The following ZNF550 variants were observed in gnomAD, a reference collection of about 807,000 sequenced individuals.
The protein encoded by ZNF550 is zinc finger protein 550.
ZNF550 carries 42 observed loss-of-function variants against 40.2 expected under a neutral mutation model. The observed-to-expected ratio is 1.05, with a 90% CI of 0.82 to 1.35. The LOEUF (loss-of-function observed/expected upper bound fraction) is 1.35, where lower values mean the gene tolerates loss of function less well. Among genes scored for constraint, ZNF550 ranks in the 40% most tolerant of loss-of-function variants. The probability of loss-of-function intolerance (pLI) is 0.00; values close to 1 mark genes in which losing one functional copy is unlikely to be tolerated. For synonymous variants in ZNF550, 223 were observed against 198.6 expected, an observed-to-expected ratio of 1.12 and a Z score of -1.03; for missense variants, 549 against 525.2, an observed-to-expected ratio of 1.05 and a Z score of -0.44.
At position 57,555,723 on chromosome 19, in the gene ZNF550, AG is replaced by A. The variant is rs368346485; in HGVS notation, c.154+507del. ...TCAGGGTATCAAACCATGCCATTTG[AG>A]GACATTCCTGTGTACCCTCTAAAAA... is the stretch of plus-strand genomic sequence containing the variant. On this transcript the variant is annotated intron_variant, in intron 2 of 4. Transcript: ENST00000457177. 395 of 173,994 alleles carry A rather than the reference AG, an allele frequency of 2.3e-3. 12 individuals carry two copies. The South Asian group carries it at 0.046, about 20-fold the overall frequency. 10.8% of individuals were successfully genotyped at this position (173,994 alleles called of 1,614,324 possible).
At chr19:57,549,620 TG>T (rs1321469705) in intron 3 of ZNF550, among the ~76,000 whole-genome samples, 1 of 151,780 alleles carries the variant, frequency 6.6e-6, no homozygotes, top group Admixed American at 6.6e-5. Context: ...AGAGAGGAAG[TG>T]GGCAATGGGT....
At position 57,547,049 on chromosome 19, in the gene ZNF550, AG is replaced by A. The variant is rs2090017585; in HGVS notation, c.1194del (p.Tyr399ThrfsTer32). 6.2e-7 allele frequency: 1 copy of A among 1,613,804 alleles called. No individual in the cohort carries two copies. Among genetic ancestry groups the A allele is most frequent in the African/African-American group, 1.3e-5 (1 of 74,860 alleles). On this transcript the variant is annotated frameshift_variant, in exon 4 of 5. Transcript: ENST00000457177. LOFTEE classifies it high-confidence loss of function. ...GCCTTCCCACACTCGATACACTTGTAGGGCATCTCCCCAGTGTGGATGACAG... is the reference window on the plus strand; with the variant it reads ...GCCTTCCCACACTCGATACACTTGTAGGCATCTCCCCAGTGTGGATGACAG...
intron 3 of ZNF550, 85 bp from the exon 4 acceptor site, chr19:57,548,078 A>G: frequency 7.8e-7 from 1 of 1,287,482 alleles, no homozygotes; most frequent in South Asian, 1.4e-5. Flanking sequence ...TAGGAAAATG[A>G]AGATGAAAAT....
intron 3 of ZNF550, among the ~76,000 whole-genome samples, chr19:57,549,103 T>C (rs1354583671): frequency 6.6e-6 from 1 of 152,062 alleles, no homozygotes; most frequent in Non-Finnish European, 1.5e-5. Flanking sequence ...TAGTATTTGA[T>C]AGCACAACCG....
chr19:57,546,687 C>A, exon 4 of ZNF550: 1 of 1,170,476 alleles, frequency 8.5e-7, no homozygotes, highest in Non-Finnish European at 1.1e-6. Context: ...CATGAGTTCT[C>A]TGATGTTGAT....
intron 4 of ZNF550, chr19:57,544,470 C>T: frequency 1.0e-6 from 1 of 985,334 alleles, no homozygotes; most frequent in South Asian, 4.7e-5. Flanking sequence ...GCCTTAGGTA[C>T]AAGTACAGCC....
At chr19:57,548,315 G>A (rs1171339272) in intron 3 of ZNF550, among the ~76,000 whole-genome samples, 1 of 151,988 alleles carries the variant, frequency 6.6e-6, no homozygotes, top group Non-Finnish European at 1.5e-5. Context: ...AGAATTGAAC[G>A]CTTACATCCA....
chr19:57,543,481 C>T (rs2089979516), intron 4 of ZNF550: 1 of 423,072 alleles, frequency 2.4e-6, no homozygotes, highest in Non-Finnish European at 3.2e-6. Context: ...GTCCACATTT[C>T]CTCTGTGACA....
At chr19:57,555,770 C>G (rs2090114920) in intron 2 of ZNF550, 1 of 211,504 alleles carries the variant, frequency 4.7e-6, no homozygotes, top group African/African-American at 2.4e-5. Context: ...ATCAACAGAG[C>G]ATGGATATCA....
exon 4 of ZNF550, chr19:57,546,719 C>T: frequency 2.4e-6 from 3 of 1,233,552 alleles, no homozygotes; most frequent in Non-Finnish European, 3.0e-6. Flanking sequence ...CACATTTCCC[C>T]CTGGTATGAA....
chr19:57,544,178 A>G, intron 4 of ZNF550: 1 of 985,480 alleles, frequency 1.0e-6, no homozygotes, highest in Non-Finnish European at 1.2e-6. Flanking sequence ...TCTTCTAAGT[A>G]TGACCACAAC....
intron 1 of ZNF550, 67 bp from the exon 2 acceptor site, chr19:57,556,424 C>T: frequency 1.3e-6 from 2 of 1,555,004 alleles, no homozygotes; most frequent in East Asian, 2.3e-5. Flanking sequence ...ACCTGTCACT[C>T]AGTCTCTAGT....
exon 4 of ZNF550, chr19:57,547,392 C>T (rs2090025665): frequency 6.2e-7 from 1 of 1,613,036 alleles, no homozygotes; most frequent in Admixed American, 1.7e-5. Context: ...CATAGGGTTT[C>T]TCTCCAGTGT....
At chr19:57,552,641 T>C (rs1471264560) in exon 3 of ZNF550, 3 of 1,597,378 alleles carry the variant, frequency 1.9e-6, no homozygotes, top group African/African-American at 1.3e-5. Context: ...ACAGGTAGCA[T>C]GTGAGAGGCC....
chr19:57,547,296 C>T, exon 4 of ZNF550: 1 of 1,613,958 alleles, frequency 6.2e-7, no homozygotes, highest in South Asian at 1.1e-5. Context: ...ATTCTTTGCA[C>T]TCAAAGGGCT....
At chr19:57,543,651 C>T (rs2089981274) in intron 4 of ZNF550, 2 of 985,144 alleles carry the variant, frequency 2.0e-6, no homozygotes, top group African/African-American at 1.7e-5. Flanking sequence ...AACGTTTTAC[C>T]TCTGCCGGGC....
chr19:57,560,565 G>T (rs181756378), upstream of ZNF550, among the ~76,000 whole-genome samples: 342 of 152,310 alleles, frequency 2.2e-3, no homozygotes, highest in Middle Eastern at 0.014. Flanking sequence ...AAATGCGGAC[G>T]TACGAGGGAG....
At chr19:57,558,625 A>G (rs2090142915) in intron 1 of ZNF550, among the ~76,000 whole-genome samples, 1 of 152,222 alleles carries the variant, frequency 6.6e-6, no homozygotes, top group Admixed American at 6.5e-5. Context: ...AGATGACAAG[A>G]AAACAGAGCA....
chr19:57,543,571 A>G lies in ZNF550; in HGVS notation c.*519-328T>C, dbSNP rs780293702. 2.0e-4 allele frequency: 194 copies of G among 977,088 alleles called. No individual in the cohort carries two copies. The Middle Eastern group carries it at 2.6e-3, about 13-fold the overall frequency. 60.5% of individuals were successfully genotyped at this position (977,088 alleles called of 1,614,324 possible). A position where few individuals can be genotyped will look rare whatever the true frequency, so the allele number is the denominator to read the frequency against. ...AATCATTTCTCACAGATTAAGCAGC[A>G]TAAGAGCATAGTGCTTTTTATCTAA... On this transcript the variant is annotated intron_variant, in intron 4 of 4. Coordinates refer to ENST00000457177, the Ensembl canonical transcript of ZNF550.
Sources: gnomAD v4.1 joint callset for allele counts (sites outside exome capture counted in the v4.1 genomes callset) on GRCh38, gnomAD v4.1.1 for gene constraint, MANE v1.5 for transcripts, NCBI Gene and HGNC (gene_info 2026-07-23, HGNC 2026-07-21) for gene names.